The following SLC35F1 variants were observed in gnomAD, a reference collection of about 807,000 sequenced individuals.
SLC35F1 encodes the protein chromosome 6 open reading frame 169.
Under a neutral mutation model 48.7 loss-of-function variants are expected in SLC35F1, and 14 were observed. The ratio of observed to expected loss-of-function variants is 0.29; its 90% CI spans 0.19 to 0.45. The LOEUF is 0.45. Among genes scored for constraint, SLC35F1 ranks in the 20% least tolerant of loss-of-function variants. The pLI is 1.00. For synonymous variants in SLC35F1, 190 were observed against 202.2 expected (o/e 0.94, Z 0.51); for missense variants, 404 against 500.0 (o/e 0.81, Z 1.83).
chr6:118,272,403 G>A lies in SLC35F1; in HGVS notation c.638-3056G>A, dbSNP rs543380604. On this transcript the variant is annotated intron_variant, in intron 4 of 7. Coordinates refer to ENST00000360388, the MANE Select transcript of SLC35F1 (RefSeq NM_001029858.4). ...CCCAAAATTTGTAAATCATTATCACGTATTGTGGTTTTATACATACATAAA... is the reference window on the plus strand; with the variant it reads ...CCCAAAATTTGTAAATCATTATCACATATTGTGGTTTTATACATACATAAA... 3.9e-5 allele frequency among the ~76,000 whole-genome samples: 6 copies of A among 152,148 alleles called. No homozygotes were observed. In the East Asian group the frequency reaches 5.8e-4, roughly 15 times the overall value.
At chr6:117,946,348 CACA>C (rs2114823682) in intron 1 of SLC35F1, among the ~76,000 whole-genome samples, 1 of 152,274 alleles carries the variant, frequency 6.6e-6, no homozygotes, top group South Asian at 2.1e-4. Flanking sequence ...ATATAATTCT[CACA>C]ACAATTCTAA....
chr6:118,280,392 G>T (rs1424534196), intron 6 of SLC35F1, among the ~76,000 whole-genome samples: 1 of 152,144 alleles, frequency 6.6e-6, no homozygotes, highest in Non-Finnish European at 1.5e-5. Context: ...AAGAAAAAGT[G>T]TGCCGGGTCA....
chr6:118,181,840 A>G (rs1398798155), intron 2 of SLC35F1, among the ~76,000 whole-genome samples: 1 of 152,132 alleles, frequency 6.6e-6, no homozygotes, highest in Non-Finnish European at 1.5e-5. Flanking sequence ...TAGTGATAAG[A>G]CTCACTACCT....
chr6:118,277,454 C>T, intron 5 of SLC35F1, 40 bp from the exon 6 acceptor site: 1 of 1,578,126 alleles, frequency 6.3e-7, no homozygotes, highest in Non-Finnish European at 8.7e-7. Flanking sequence ...AGAGTGCATT[C>T]TAATCTTGCT....
At chr6:117,988,429 G>A (rs907950268) in intron 1 of SLC35F1, among the ~76,000 whole-genome samples, 4 of 152,074 alleles carry the variant, frequency 2.6e-5, no homozygotes, top group African/African-American at 9.7e-5. Context: ...TAAGCCATAG[G>A]AGACTTTTCT....
At chr6:118,130,508 C>CA (rs1394200063) in intron 1 of SLC35F1, among the ~76,000 whole-genome samples, 1 of 151,892 alleles carries the variant, frequency 6.6e-6, no homozygotes, top group Non-Finnish European at 1.5e-5. Flanking sequence ...ACAACAATAA[C>CA]AAAAAAACTG....
chr6:118,014,103 T>C (rs904403745), intron 1 of SLC35F1, among the ~76,000 whole-genome samples: 1 of 152,194 alleles, frequency 6.6e-6, no homozygotes, highest in Non-Finnish European at 1.5e-5. Flanking sequence ...CTCAGGCAAG[T>C]TAGTTGACCT....
chr6:118,242,062 G>A (rs529599705), intron 3 of SLC35F1, among the ~76,000 whole-genome samples: 1 of 152,310 alleles, frequency 6.6e-6, no homozygotes, highest in South Asian at 2.1e-4. Flanking sequence ...TGTTAATAAA[G>A]TATTCATTTC....
intron 2 of SLC35F1, among the ~76,000 whole-genome samples, chr6:118,158,914 G>T (rs897345501): frequency 6.6e-6 from 1 of 152,010 alleles, no homozygotes; most frequent in African/African-American, 2.4e-5. Context: ...CTTCCAGATG[G>T]TTCTAAAATT....
rs11355076 is a variant in SLC35F1 at position 118,125,376 on chromosome 6, T to TGG, written c.174-29060_174-29059dup. On this transcript the variant is annotated intron_variant, in intron 1 of 7. Coordinates refer to ENST00000360388, the MANE Select transcript of SLC35F1 (RefSeq NM_001029858.4). ...TGGTTTTTATTCATTTATGGTATTT[T>TGG]GGGGGGGGGGATCAGATACTTACTA... 9.4e-3 allele frequency among the ~76,000 whole-genome samples: 1,347 copies of TGG among 142,744 alleles called. 14 individuals are homozygous for TGG. The highest frequency in any genetic ancestry group is 0.031 in the African/African-American group (1,196 of 38,428). The allele number at this position is 142,744 out of a possible 152,430, so 93.6% of individuals were successfully genotyped here. A position where few individuals can be genotyped will look rare whatever the true frequency, so the allele number is the denominator to read the frequency against.
intron 1 of SLC35F1, among the ~76,000 whole-genome samples, chr6:118,030,063 G>A (rs528857416): frequency 6.6e-6 from 1 of 152,172 alleles, no homozygotes; most frequent in East Asian, 1.9e-4. Context: ...GTGGTCAATT[G>A]TAAGGCTGAT....
chr6:118,053,961 C>T (rs1772426988), intron 1 of SLC35F1, among the ~76,000 whole-genome samples: 1 of 152,084 alleles, frequency 6.6e-6, no homozygotes, highest in African/African-American at 2.4e-5. Context: ...TGTTATGCCA[C>T]GTTGATAGCA....
At chr6:117,957,684 A>T (rs1481282805) in intron 1 of SLC35F1, among the ~76,000 whole-genome samples, 1 of 152,162 alleles carries the variant, frequency 6.6e-6, no homozygotes, top group Non-Finnish European at 1.5e-5. Context: ...GGAGCTGAAA[A>T]ATTTCTATCG....
Position 118,275,503 on chromosome 6 carries a change from A to G in SLC35F1, c.682A>G (p.Thr228Ala). ...GGACCTTCTGGTCTTAGGAGGAGCC[A>G]CACTCTATGGTATTTCTAACGTCTG... ...VGDLLVLGGA[T>A]LYGISNVWEE... Residue 228 changes from threonine to alanine, a missense_variant, in exon 5 of 8, where the codon ACA becomes GCA. Physicochemically the swap from Thr to Ala is moderately conservative, Grantham distance 58. Coordinates refer to ENST00000360388, the MANE Select transcript of SLC35F1 (RefSeq NM_001029858.4). 2 of 1,613,916 alleles carry G rather than the reference A, an allele frequency of 1.2e-6. No individual in the cohort carries two copies. Among genetic ancestry groups the G allele is most frequent in the Non-Finnish European group, 1.7e-6 (2 of 1,179,900 alleles).
In SLC35F1 at chr6:118,316,361, A is replaced by G. The variant is rs1776437955; in HGVS notation, c.*2109A>G. ...CTATCAAATCAAAACAACTTTGCCA[A>G]CATCTTCTCTCTGCTACCTTTTAAA... is the stretch of plus-strand genomic sequence containing the variant. On this transcript the variant is annotated 3_prime_UTR_variant, in exon 8 of 8. Coordinates refer to ENST00000360388, the MANE Select transcript of SLC35F1 (RefSeq NM_001029858.4). The G allele has an allele frequency of 6.6e-6, 1 of 152,644 alleles. No homozygotes were observed. The highest frequency in any genetic ancestry group is 2.4e-5 in the African/African-American group (1 of 41,442). 9.5% of individuals were successfully genotyped at this position (152,644 alleles called of 1,614,324 possible). A position where few individuals can be genotyped will look rare whatever the true frequency, so the allele number is the denominator to read the frequency against.
intron 1 of SLC35F1, among the ~76,000 whole-genome samples, chr6:117,940,733 C>G (rs1776220825): frequency 6.6e-6 from 1 of 151,980 alleles, no homozygotes; most frequent in Admixed American, 6.6e-5. Flanking sequence ...CCTGCAGCCT[C>G]CACCTCCCAG....
In SLC35F1 at chr6:117,959,324, T is replaced by C. The variant is rs76230094; in HGVS notation, c.173+51425T>C. Among the ~76,000 whole-genome samples the C allele has an allele frequency of 7.9e-5, 12 of 152,316 alleles. No individual in the cohort carries two copies. In the East Asian group the frequency reaches 2.3e-3, roughly 29 times the overall value. On this transcript the variant is annotated intron_variant, in intron 1 of 7. Transcript: ENST00000360388. ...AGACTGAGGCAGCCTCCTAGTTCTC[T>C]TGTTAGGACTGTGTTTGAGAGTTGA...
chr6:118,294,193 A>G (rs763988306), intron 7 of SLC35F1, among the ~76,000 whole-genome samples: 3 of 152,190 alleles, frequency 2.0e-5, no homozygotes, highest in African/African-American at 7.2e-5. Flanking sequence ...CTGCTTAACA[A>G]TTTTGTATGA....
intron 1 of SLC35F1, among the ~76,000 whole-genome samples, chr6:117,927,664 G>A (rs1028689): frequency 0.22 from 33,603 of 152,028 alleles, 4,160 homozygotes; most frequent in African/African-American, 0.33. Context: ...TTTTCTAATC[G>A]CTTAGAACAG....
Sources: gnomAD v4.1 joint callset for allele counts (sites outside exome capture counted in the v4.1 genomes callset) on GRCh38, gnomAD v4.1.1 for gene constraint, MANE v1.5 for transcripts, NCBI Gene and HGNC (gene_info 2026-07-23, HGNC 2026-07-21) for gene names.